INSR: variants seen among roughly 807,000 people sequenced by gnomAD.
INSR encodes the protein IR.
INSR carries 67 observed loss-of-function variants against 142.6 expected under a neutral mutation model. The observed-to-expected ratio is 0.47, with a 90% CI of 0.39 to 0.58. The LOEUF is 0.58. Among genes scored for constraint, INSR ranks in the 20% least tolerant of loss-of-function variants. The pLI is 0.00. For missense variants in INSR, 1,248 were observed against 1,833.2 expected (o/e 0.68, Z 5.83); for synonymous variants, 756 against 743.1 (o/e 1.02, Z -0.28).
chr19:7,259,113 T>TTCTTTCCTTCCA (rs369053618), intron 2 of INSR, among the ~76,000 whole-genome samples: 1 of 48,220 alleles, frequency 2.1e-5, no homozygotes, highest in Non-Finnish European at 4.2e-5. Flanking sequence ...CCTTCCTTCC[T>TTCTTTCCTTCCA]TTCTTTCCTT....
chr19:7,257,651 T>A (rs556188598), intron 2 of INSR, among the ~76,000 whole-genome samples: 34 of 145,346 alleles, frequency 2.3e-4, no homozygotes, highest in Non-Finnish European at 5.1e-4. Context: ...TGAGACAGAG[T>A]CTCAAAAAGT....
rs1385256208 is a variant in INSR, at chr19:7,113,906, G to A, written c.*3150C>T. On this transcript the variant is annotated 3_prime_UTR_variant, in exon 22 of 22. Transcript: ENST00000302850. Reference sequence around the variant, plus strand: ...AGAAAGGTGAGTCTGCAAGGGCAGTGCCTAAAAGTACAAGAGCAGCAAGAT... The same window carrying A: ...AGAAAGGTGAGTCTGCAAGGGCAGTACCTAAAAGTACAAGAGCAGCAAGAT... 1.3e-5 allele frequency: 2 copies of A among 152,060 alleles called. No individual in the cohort carries two copies. Among genetic ancestry groups the A allele is most frequent in the African/African-American group, 4.8e-5 (2 of 41,380 alleles). 9.4% of individuals were successfully genotyped at this position (152,060 alleles called of 1,614,324 possible). A position where few individuals can be genotyped will look rare whatever the true frequency, so the allele number is the denominator to read the frequency against.
chr19:7,261,257 T>C (rs1977054667), intron 2 of INSR, among the ~76,000 whole-genome samples: 1 of 152,122 alleles, frequency 6.6e-6, no homozygotes, highest in African/African-American at 2.4e-5. Context: ...ATCGTGAACA[T>C]CTGCATTTGC....
chr19:7,257,004 A>C (rs1196106315), intron 2 of INSR, among the ~76,000 whole-genome samples: 2 of 142,548 alleles, frequency 1.4e-5, no homozygotes, highest in Admixed American at 7.6e-5. Context: ...GTGCAGTGGC[A>C]CAATCTCGGC....
chr19:7,166,201 G>A lies in INSR; in HGVS notation c.1814C>T (p.Thr605Ile). 1 of 1,614,056 alleles carries A rather than the reference G, an allele frequency of 6.2e-7. No homozygotes were observed. The highest frequency in any genetic ancestry group is 8.5e-7 in the Non-Finnish European group (1 of 1,180,016). The part of the protein sequence containing the change: ...TLVTFSDERR[T>I]YGAKSDIIYV... ...AATGATGTCACTCTTGGCCCCATAG[G>A]TCCGGCGTTCATCCGAAAAGGTGAC... The change falls in exon 8 of 22, where the codon ACC (threonine) becomes ATC (isoleucine). Residue 605 changes from threonine (T) to isoleucine (I), a missense_variant. Physicochemically the swap from Thr to Ile is moderately conservative, Grantham distance 89. Around this residue, in one of 3 missense-constraint regions of INSR, gnomAD observed 1,069 missense variants for 1,654.0 expected, o/e 0.65. Transcript: ENST00000302850. The surrounding 1 kb of genome is among the most constrained non-coding windows in gnomAD (Gnocchi z 4.1).
In INSR at chr19:7,274,966, T is replaced by C. The variant is rs185990445; in HGVS notation, c.101-7070A>G. Among the ~76,000 whole-genome samples, 35 of 147,230 alleles carry C rather than the reference T, an allele frequency of 2.4e-4. 1 individual carries two copies. Among genetic ancestry groups the C allele is most frequent in the African/African-American group, 4.2e-4 (16 of 38,274 alleles). On this transcript the variant is annotated intron_variant, in intron 1 of 21. Coordinates refer to ENST00000302850, the MANE Select transcript of INSR (RefSeq NM_000208.4). ...GAATTCGAGGGTGAGCTGGTGGTGTTAGACAGCACTTTTTTTTTTTTTGGT... is the reference window on the plus strand; with the variant it reads ...GAATTCGAGGGTGAGCTGGTGGTGTCAGACAGCACTTTTTTTTTTTTTGGT...
chr19:7,151,387 C>T (rs998511419), intron 10 of INSR, among the ~76,000 whole-genome samples: 7 of 151,330 alleles, frequency 4.6e-5, no homozygotes, highest in Admixed American at 4.0e-4. Context: ...GCAATTCTCC[C>T]GCCTCAGCCT....
Position 7,117,039 on chromosome 19 carries a change from C to T in INSR, c.*17G>A, listed in dbSNP as rs555358419. On this transcript the variant is annotated 3_prime_UTR_variant, in exon 22 of 22. Coordinates refer to ENST00000302850, the MANE Select transcript of INSR (RefSeq NM_000208.4). ...GAAAATGGGAACCCCTGCCCGCCCC[C>T]GCCACGGTAGGCACTGTTAGGAAGG... 3.1e-5 allele frequency: 49 copies of T among 1,606,368 alleles called. No individual in the cohort carries two copies. The highest frequency in any genetic ancestry group is 3.3e-4 in the Middle Eastern group (2 of 6,054).
intron 2 of INSR, among the ~76,000 whole-genome samples, chr19:7,188,830 C>T (rs1243009895): frequency 7.0e-6 from 1 of 142,060 alleles, no homozygotes; most frequent in Non-Finnish European, 1.5e-5. Context: ...AAGATTGTGC[C>T]ACTGAACTCC....
In INSR at chr19:7,197,758, A is replaced by AGTGTGTGT. The variant is rs57922087; in HGVS notation, c.653-13129_653-13122dup. Among the ~76,000 whole-genome samples, 78 of 57,804 alleles carry AGTGTGTGT rather than the reference A, an allele frequency of 1.3e-3. 1 individual carries two copies. The highest frequency in any genetic ancestry group is 1.6e-3 in the African/African-American group (21 of 13,350). The allele number at this position is 57,804 out of a possible 152,430, so 37.9% of individuals were successfully genotyped here. ...TGTGATTGGCAGGTTCCAGAGTGGG[A>AGTGTGTGT]GTGTGTGTGTGTGTGTGTGTGTGTC... On this transcript the variant is annotated intron_variant, in intron 2 of 21. Coordinates refer to ENST00000302850, the MANE Select transcript of INSR (RefSeq NM_000208.4).
At chr19:7,269,685 C>T (rs917402313) in intron 1 of INSR, among the ~76,000 whole-genome samples, 2 of 151,622 alleles carry the variant, frequency 1.3e-5, no homozygotes, top group African/African-American at 2.4e-5. Context: ...CAAAGAACCC[C>T]GCGTGCCATT....
At chr19:7,137,921 C>T (rs556016825) in intron 13 of INSR, among the ~76,000 whole-genome samples, 20 of 149,398 alleles carry the variant, frequency 1.3e-4, no homozygotes, top group Non-Finnish European at 2.8e-4. Context: ...CTATCATAAG[C>T]TAGTCTGGAT....
rs1287388882 is a variant in INSR at position 7,119,961 on chromosome 19, A to T, written c.3660-378T>A. On this transcript the variant is annotated intron_variant, in intron 20 of 21. Coordinates refer to ENST00000302850, the MANE Select transcript of INSR (RefSeq NM_000208.4). The surrounding 1 kb of genome is among the most constrained non-coding windows in gnomAD (Gnocchi z 5.2). The stretch of plus-strand genomic sequence containing the variant: ...CTAGAACATGGTTAGCCACTTAATA[A>T]AACAATTCATGCTGCAGTTCATAAA... Among the ~76,000 whole-genome samples, 1 of 152,148 alleles carries T rather than the reference A, an allele frequency of 6.6e-6. No homozygotes were observed. The highest frequency in any genetic ancestry group is 2.1e-4 in the South Asian group (1 of 4,826).
intron 11 of INSR, among the ~76,000 whole-genome samples, chr19:7,148,016 C>T (rs1208328310): frequency 2.0e-5 from 3 of 151,942 alleles, no homozygotes; most frequent in South Asian, 4.2e-4. Flanking sequence ...TGGGTTCAAG[C>T]GATTCTCCTG....
intron 2 of INSR, among the ~76,000 whole-genome samples, chr19:7,262,913 G>A (rs1977107756): frequency 6.6e-6 from 1 of 152,214 alleles, no homozygotes; most frequent in African/African-American, 2.4e-5. Context: ...GAAAGTTTGG[G>A]AGATGGTGGT....
intron 1 of INSR, among the ~76,000 whole-genome samples, chr19:7,288,292 G>A (rs1183279414): frequency 6.6e-6 from 1 of 152,092 alleles, no homozygotes; most frequent in East Asian, 1.9e-4. Flanking sequence ...CTTGAGGCCA[G>A]GAATTCAAGA....
chr19:7,165,506 A>C (rs974742819), intron 8 of INSR, among the ~76,000 whole-genome samples: 1 of 152,080 alleles, frequency 6.6e-6, no homozygotes, highest in East Asian at 1.9e-4. Flanking sequence ...AAATATTCCC[A>C]TCAAGTGGCT....
At chr19:7,222,127 T>TAAAAAAA (rs57114939) in intron 2 of INSR, among the ~76,000 whole-genome samples, 6 of 126,286 alleles carry the variant, frequency 4.8e-5, no homozygotes, top group African/African-American at 6.2e-5. Flanking sequence ...ATGTCCTCGG[T>TAAAAAAA]AAAAAAAAAA....
chr19:7,286,768 G>A (rs1164708624), intron 1 of INSR, among the ~76,000 whole-genome samples: 1 of 151,514 alleles, frequency 6.6e-6, no homozygotes, highest in Non-Finnish European at 1.5e-5. Flanking sequence ...CAATGAGAAT[G>A]CATTACCCGT....
Sources: allele counts gnomAD v4.1 joint callset (sites outside exome capture counted in the v4.1 genomes callset), GRCh38; gene constraint gnomAD v4.1.1; regional missense constraint gnomAD v4.1.1; non-coding constraint Gnocchi (gnomAD v3.1); transcripts MANE v1.5; gene names NCBI Gene and HGNC (gene_info 2026-07-23, HGNC 2026-07-21).